DNAJC5: variants seen among roughly 807,000 people sequenced by gnomAD.
DNAJC5 encodes the protein dnaJ homolog subfamily C member 5.
A neutral mutation model predicts 23.2 loss-of-function variants in DNAJC5; 1 was observed. The ratio of observed to expected loss-of-function variants is 0.04; its 90% CI spans 0.02 to 0.20. The LOEUF is 0.20. DNAJC5 is among the 10% of genes least tolerant of loss of function. The pLI is 1.00. For synonymous variants in DNAJC5, 136 were observed against 120.0 expected, an observed-to-expected ratio of 1.13 and a Z score of -0.87; for missense variants, 180 against 267.0, an observed-to-expected ratio of 0.67 and a Z score of 2.27.
chr20:63,904,834 G>A (rs571171206), intron 1 of DNAJC5, among the ~76,000 whole-genome samples: 43 of 152,264 alleles, frequency 2.8e-4, no homozygotes, highest in African/African-American at 1.0e-3. Flanking sequence ...ACAAAGTCTC[G>A]CTGTTGTACC....
chr20:63,915,458 A>G (rs1263209679), intron 1 of DNAJC5, among the ~76,000 whole-genome samples: 1 of 151,978 alleles, frequency 6.6e-6, no homozygotes, highest in African/African-American at 2.4e-5. Flanking sequence ...TCATCAAAAG[A>G]CACACCATAA....
chr20:63,898,080 C>G (rs780632855), intron 1 of DNAJC5, among the ~76,000 whole-genome samples: 6 of 152,170 alleles, frequency 3.9e-5, no homozygotes, highest in Admixed American at 1.3e-4. Flanking sequence ...TGTTAACAAT[C>G]GTCAGAGCTG....
intron 1 of DNAJC5, among the ~76,000 whole-genome samples, chr20:63,913,135 G>A (rs1452843287): frequency 1.3e-5 from 1 of 79,726 alleles, no homozygotes; most frequent in Admixed American, 1.3e-4. Context: ...CTTCTTTGCA[G>A]TTCCCTGTGC....
intron 1 of DNAJC5, among the ~76,000 whole-genome samples, chr20:63,900,576 CAAAA>C (rs752326573): frequency 1.5e-5 from 1 of 65,268 alleles, no homozygotes; most frequent in Non-Finnish European, 2.8e-5. Context: ...GACACTGTCT[CAAAA>C]AAAAAAAAAA....
At chr20:63,913,463 C>T (rs927860407) in intron 1 of DNAJC5, among the ~76,000 whole-genome samples, 3 of 151,556 alleles carry the variant, frequency 2.0e-5, no homozygotes, top group African/African-American at 7.3e-5. Context: ...GTGGTGCGGT[C>T]TCAGCTCACT....
intron 1 of DNAJC5, among the ~76,000 whole-genome samples, chr20:63,913,961 C>T (rs2053499535): frequency 6.6e-6 from 1 of 152,208 alleles, no homozygotes; most frequent in Non-Finnish European, 1.5e-5. Flanking sequence ...ATGTCTCTCT[C>T]TGAGCACTCC....
At chr20:63,922,237 G>A (rs762929555) in intron 1 of DNAJC5, among the ~76,000 whole-genome samples, 2 of 151,972 alleles carry the variant, frequency 1.3e-5, no homozygotes, top group African/African-American at 2.4e-5. Context: ...CGAGGCAGGC[G>A]GGTCACCTGA....
rs1289477422 is a variant in DNAJC5 at position 63,933,540 on chromosome 20, A to G, written c.*1972A>G. 1 of 152,356 alleles carries G rather than the reference A, an allele frequency of 6.6e-6. No homozygotes were observed. The highest frequency in any genetic ancestry group is 1.5e-5 in the Non-Finnish European group (1 of 68,046). The allele number at this position is 152,356 out of a possible 1,614,324, so 9.4% of individuals were successfully genotyped here. On this transcript the variant is annotated 3_prime_UTR_variant, in exon 5 of 5. Transcript: ENST00000360864. ...ATTAAATTAGAAATAATTTATCAAA[A>G]TCAGACCTCTCCTAAAAGAATAAGA...
chr20:63,913,804 C>T (rs2053498600), intron 1 of DNAJC5, among the ~76,000 whole-genome samples: 1 of 152,178 alleles, frequency 6.6e-6, no homozygotes, highest in Non-Finnish European at 1.5e-5. Flanking sequence ...GTCTCAAACT[C>T]CTGACCTCAG....
chr20:63,927,870 A>T (rs778954718), intron 1 of DNAJC5, among the ~76,000 whole-genome samples: 1 of 152,020 alleles, frequency 6.6e-6, no homozygotes, highest in East Asian at 1.9e-4. Flanking sequence ...TTTAGCTTAT[A>T]CCTCTTTGCA....
In DNAJC5 at chr20:63,929,727, C is replaced by CGTGCGGGCGCCCGAGTCACTCCTGCT. The variant is rs2053649436; in HGVS notation, c.321+210_321+211insGCCCGAGTCACTCCTGCTGTGCGGGC. 1.3e-5 allele frequency among the ~76,000 whole-genome samples: 2 copies of CGTGCGGGCGCCCGAGTCACTCCTGCT among 151,082 alleles called. No individual in the cohort carries two copies. The highest frequency in any genetic ancestry group is 4.9e-5 in the African/African-American group (2 of 40,506). On this transcript the variant is annotated intron_variant, in intron 3 of 4. Coordinates refer to ENST00000360864, the MANE Select transcript of DNAJC5 (RefSeq NM_025219.3). This position sits in a 1 kb window ranked among gnomAD's most constrained non-coding sequence, Gnocchi z 8.6. Reference sequence around the variant, plus strand: ...GTGCGGGCGCCCGAGTCACTCCTGCCGTGCGGGCACCCGAGTCTCTCCTGC... The same window carrying CGTGCGGGCGCCCGAGTCACTCCTGCT: ...GTGCGGGCGCCCGAGTCACTCCTGCCGTGCGGGCGCCCGAGTCACTCCTGCTGTGCGGGCACCCGAGTCTCTCCTGC...
intron 1 of DNAJC5, among the ~76,000 whole-genome samples, chr20:63,904,593 T>C (rs576967514): frequency 2.0e-5 from 3 of 152,300 alleles, no homozygotes; most frequent in South Asian, 2.1e-4. Context: ...GTGTTCATGG[T>C]ATAGGCATCC....
At chr20:63,895,832 G>T (rs1013414294) in intron 1 of DNAJC5, among the ~76,000 whole-genome samples, 1 of 152,160 alleles carries the variant, frequency 6.6e-6, no homozygotes, top group Non-Finnish European at 1.5e-5. Flanking sequence ...ATTCCAAAAA[G>T]CATTTGGTTT....
chr20:63,931,633 A>G lies in DNAJC5; in HGVS notation c.*65A>G. The G allele has an allele frequency of 6.9e-7, 1 of 1,457,986 alleles. No individual in the cohort carries two copies. The highest frequency in any genetic ancestry group is 9.3e-7 in the Non-Finnish European group (1 of 1,074,836). 90.3% of individuals were successfully genotyped at this position (1,457,986 alleles called of 1,614,324 possible). On this transcript the variant is annotated 3_prime_UTR_variant, in exon 5 of 5. Transcript: ENST00000360864. The surrounding 1 kb of genome is among the most constrained non-coding windows in gnomAD (Gnocchi z 9.6). The stretch of plus-strand genomic sequence containing the variant: ...GGCCACGCCAACCTTAGAATCATGA[A>G]CTGTAGTCACAGAGATGGGAAGGCA...
At chr20:63,917,949 G>C (rs931722184) in intron 1 of DNAJC5, among the ~76,000 whole-genome samples, 2 of 152,118 alleles carry the variant, frequency 1.3e-5, no homozygotes, top group African/African-American at 4.8e-5. Flanking sequence ...TTGCTGTGAC[G>C]GTCGCCCACT....
chr20:63,910,956 A>ACCATGC (rs1210056063), intron 1 of DNAJC5, among the ~76,000 whole-genome samples: 1 of 152,184 alleles, frequency 6.6e-6, no homozygotes, highest in African/African-American at 2.4e-5. Flanking sequence ...GGCCTGAGCC[A>ACCATGC]CCATGCCCGG....
intron 1 of DNAJC5, chr20:63,919,291 A>C (rs1375500806): frequency 4.6e-6 from 2 of 438,962 alleles, no homozygotes; most frequent in African/African-American, 4.0e-5. Context: ...CCCAGCTCTG[A>C]GAACAGAGCG....
rs749724 is a variant in DNAJC5, at chr20:63,934,446, T to C, written c.*2878T>C. ...CCCTTTGGACGCCGCTGCTGGGGGCTGCCAGGGGCCCTCTGGGGTCGTGCT... is the reference window on the plus strand; with the variant it reads ...CCCTTTGGACGCCGCTGCTGGGGGCCGCCAGGGGCCCTCTGGGGTCGTGCT... On this transcript the variant is annotated 3_prime_UTR_variant, in exon 5 of 5. Coordinates refer to ENST00000360864, the MANE Select transcript of DNAJC5 (RefSeq NM_025219.3). The C allele has an allele frequency of 5.9e-3, 901 of 152,404 alleles. 30 individuals carry two copies. The highest frequency in any genetic ancestry group is 0.051 in the Admixed American group (780 of 15,310). The allele number at this position is 152,404 out of a possible 1,614,324, so 9.4% of individuals were successfully genotyped here.
chr20:63,931,044 CGTGT>C lies in DNAJC5; in HGVS notation c.493+32_493+35del. The C allele has an allele frequency of 6.2e-7, 1 of 1,608,396 alleles. No homozygotes were observed. The highest frequency in any genetic ancestry group is 8.5e-7 in the Non-Finnish European group (1 of 1,176,388). On this transcript the variant is annotated intron_variant, in intron 4 of 4. Transcript: ENST00000360864. The surrounding 1 kb of genome is among the most constrained non-coding windows in gnomAD (Gnocchi z 9.6). Reference sequence around the variant, plus strand: ...AGGGGTGAGTGCCCGCCCCAGGGCCCGTGTGTGTGTGTGGGGCAGAGCCAGAATG... The same window carrying C: ...AGGGGTGAGTGCCCGCCCCAGGGCCCGTGTGTGTGGGGCAGAGCCAGAATG...
Sources: gnomAD v4.1 joint callset for allele counts (sites outside exome capture counted in the v4.1 genomes callset) on GRCh38, gnomAD v4.1.1 for gene constraint, Gnocchi (gnomAD v3.1) non-coding constraint, MANE v1.5 for transcripts, NCBI Gene and HGNC (gene_info 2026-07-23, HGNC 2026-07-21) for gene names.